MON2: variants seen among roughly 807,000 people sequenced by gnomAD.
MON2 encodes the protein protein MON2 homolog.
Under a neutral mutation model 208.6 loss-of-function variants are expected in MON2, and 84 were observed. The observed-to-expected ratio is 0.40, with a 90% CI of 0.34 to 0.48. MON2 has a LOEUF of 0.48. Ranked by LOEUF, MON2 falls within the 20% of genes least tolerant of loss-of-function variation. The pLI, the probability that MON2 is intolerant of heterozygous loss-of-function variation, is 0.59. For missense variants in MON2, 1,611 were observed against 2,015.4 expected (o/e 0.80, Z 3.84); for synonymous variants, 660 against 694.0 (o/e 0.95, Z 0.77).
intron 1 of MON2, among the ~76,000 whole-genome samples, chr12:62,469,011 C>G (rs1217718362): frequency 6.6e-6 from 1 of 151,878 alleles, no homozygotes; most frequent in African/African-American, 2.4e-5. Flanking sequence ...TGCAGTGGTG[C>G]GATCTGCAAC....
intron 1 of MON2, among the ~76,000 whole-genome samples, chr12:62,479,939 A>G (rs1375421408): frequency 6.6e-6 from 1 of 152,220 alleles, no homozygotes; most frequent in Admixed American, 6.5e-5. Context: ...AATCCTTGAT[A>G]CATAGAAGGA....
intron 30 of MON2, among the ~76,000 whole-genome samples, chr12:62,576,272 A>G (rs2074777158): frequency 6.6e-6 from 1 of 152,124 alleles, no homozygotes; most frequent in Non-Finnish European, 1.5e-5. Flanking sequence ...TAACAAATCC[A>G]TAGAGACAAA....
chr12:62,498,526 A>C (rs982102847), intron 4 of MON2, among the ~76,000 whole-genome samples: 1 of 152,188 alleles, frequency 6.6e-6, no homozygotes, highest in Non-Finnish European at 1.5e-5. Context: ...TAAAAGAAAA[A>C]AATGACTCCT....
chr12:62,573,622 TGTA>T (rs1273942733), intron 30 of MON2, among the ~76,000 whole-genome samples: 4 of 151,886 alleles, frequency 2.6e-5, no homozygotes, highest in Non-Finnish European at 4.4e-5. Flanking sequence ...TTAATGCAGT[TGTA>T]GTATAATTTC....
At chr12:62,524,393 T>A in intron 8 of MON2, 122 bp from the exon 9 acceptor site, 1 of 722,006 alleles carries the variant, frequency 1.4e-6, no homozygotes, top group South Asian at 2.1e-5. Flanking sequence ...CCATTAAGAG[T>A]TTGATTTCTA....
At chr12:62,556,468 G>A in intron 25 of MON2, among the ~76,000 whole-genome samples, 1 of 152,164 alleles carries the variant, frequency 6.6e-6, no homozygotes, top group Middle Eastern at 3.2e-3. Context: ...GTTACAAGGA[G>A]TGGTACTTTG....
At chr12:62,587,864 G>A in intron 33 of MON2, 1 of 386,404 alleles carries the variant, frequency 2.6e-6, no homozygotes, top group African/African-American at 2.1e-5. Flanking sequence ...GTCATGGCAA[G>A]AATAACTACA....
Position 62,525,963 on chromosome 12 carries a change from G to C in MON2, c.1261G>C (p.Gly421Arg), listed in dbSNP as rs779310285. The change falls in exon 11 of 35, where the codon GGT becomes CGT. Residue 421 changes from glycine (G) to arginine (R), a missense_variant. Gly to Arg is a moderately radical substitution (Grantham distance 125). Coordinates refer to ENST00000393630, the MANE Select transcript of MON2 (RefSeq NM_015026.3). The part of the protein sequence containing the change: ...TSNQAGNNNL[G>R]GSVSAPANSG... Reference sequence around the variant, plus strand: ...TTCTCTAACAGGAAACAATAATTTAGGTGGCTCAGTCTCAGCACCAGCTAA... The same window carrying C: ...TTCTCTAACAGGAAACAATAATTTACGTGGCTCAGTCTCAGCACCAGCTAA... 6.2e-7 allele frequency: 1 copy of C among 1,612,146 alleles called. No homozygotes were observed. Among genetic ancestry groups the C allele is most frequent in the Non-Finnish European group, 8.5e-7 (1 of 1,179,350 alleles).
intron 12 of MON2, 140 bp downstream of exon 12, chr12:62,532,810 T>A: frequency 1.5e-6 from 1 of 662,400 alleles, no homozygotes; most frequent in Non-Finnish European, 2.6e-6. Flanking sequence ...TTTTCTTGAA[T>A]TATATACATG....
intron 1 of MON2, among the ~76,000 whole-genome samples, chr12:62,471,213 A>T (rs1178121187): frequency 6.6e-6 from 1 of 152,236 alleles, no homozygotes; most frequent in East Asian, 1.9e-4. Flanking sequence ...TTTGAGACGG[A>T]GTCTCTGTTG....
chr12:62,559,752 AAC>A (rs1181622437), intron 25 of MON2, among the ~76,000 whole-genome samples: 2 of 150,596 alleles, frequency 1.3e-5, no homozygotes, highest in African/African-American at 4.9e-5. Flanking sequence ...TAGCCTGGGT[AAC>A]AGAGTGTGAT....
intron 24 of MON2, among the ~76,000 whole-genome samples, chr12:62,554,678 TG>T (rs1001471574): frequency 1.3e-5 from 2 of 152,098 alleles, no homozygotes; most frequent in African/African-American, 4.8e-5. Flanking sequence ...AAATTTTTTT[TG>T]TAGAGATAGT....
chr12:62,498,856 C>A, intron 4 of MON2, 63 bp from the exon 5 acceptor site: 1 of 1,474,796 alleles, frequency 6.8e-7, no homozygotes, highest in Non-Finnish European at 9.1e-7. Flanking sequence ...ATAAATTATT[C>A]AATAAAGATA....
Position 62,538,407 on chromosome 12 carries a change from C to A in MON2, c.2274-8C>A. 6.2e-7 allele frequency: 1 copy of A among 1,604,082 alleles called. No homozygotes were observed. Among genetic ancestry groups the A allele is most frequent in the Non-Finnish European group, 8.5e-7 (1 of 1,171,714 alleles). On this transcript the variant is annotated splice_region_variant and splice_polypyrimidine_tract_variant and intron_variant, in intron 18 of 34. Transcript: ENST00000393630. ...TCAAGATGTCTTATTTCTTCATTTCCTTTTTAGGTATCTTGATGATGTATC... is the reference window on the plus strand; with the variant it reads ...TCAAGATGTCTTATTTCTTCATTTCATTTTTAGGTATCTTGATGATGTATC...
intron 2 of MON2, among the ~76,000 whole-genome samples, chr12:62,491,223 A>G (rs1301969481): frequency 6.6e-6 from 1 of 152,196 alleles, no homozygotes; most frequent in Non-Finnish European, 1.5e-5. Flanking sequence ...GTAACAAAAC[A>G]TGCAGAATGG....
chr12:62,537,370 A>G, intron 15 of MON2, 107 bp downstream of exon 15: 5 of 793,330 alleles, frequency 6.3e-6, no homozygotes, highest in Non-Finnish European at 1.0e-5. Context: ...ACTTTCTTTT[A>G]CTAGAACTAC....
chr12:62,508,206 C>A, intron 7 of MON2, 80 bp from the exon 8 acceptor site: 2 of 1,063,408 alleles, frequency 1.9e-6, no homozygotes. Flanking sequence ...AGTTTTGTTT[C>A]CTAGTGAGAC....
At chr12:62,501,450 T>A in intron 6 of MON2, 123 bp from the exon 7 acceptor site, 2 of 1,151,594 alleles carry the variant, frequency 1.7e-6, no homozygotes, top group Admixed American at 2.5e-5. Flanking sequence ...CAGTGCTTAG[T>A]TTCTAAGGAG....
intron 23 of MON2, among the ~76,000 whole-genome samples, chr12:62,552,509 T>C (rs1338902554): frequency 2.6e-5 from 4 of 152,142 alleles, no homozygotes; most frequent in African/African-American, 9.7e-5. Context: ...ATTGTTAACA[T>C]TGTTAGGGTG....
Sources: allele counts gnomAD v4.1 joint callset (sites outside exome capture counted in the v4.1 genomes callset), GRCh38; gene constraint gnomAD v4.1.1; transcripts MANE v1.5; gene names NCBI Gene and HGNC (gene_info 2026-07-23, HGNC 2026-07-21).